Variants in KCNAB1 observed in about 807,000 individuals in gnomAD.
KCNAB1 encodes the protein potassium voltage-gated channel subfamily A regulatory beta subunit 1.
Under a neutral mutation model 64.6 loss-of-function variants are expected in KCNAB1, and 35 were observed. The observed-to-expected ratio is 0.54, with a 90% CI of 0.41 to 0.72. KCNAB1 has a LOEUF of 0.72. Ranked by LOEUF, KCNAB1 falls within the 30% of genes least tolerant of loss-of-function variation. The pLI, the probability that KCNAB1 is intolerant of heterozygous loss-of-function variation, is 0.00. For missense variants in KCNAB1, 401 were observed against 512.9 expected (o/e 0.78, Z 2.11); for synonymous variants, 177 against 183.8 (o/e 0.96, Z 0.30).
intron 5 of KCNAB1, 41 bp downstream of exon 5, chr3:156,459,912 T>C: frequency 6.9e-7 from 1 of 1,438,958 alleles, no homozygotes; most frequent in Non-Finnish European, 9.7e-7. Context: ...AAAAAGGTAT[T>C]ATTTTGCACC....
rs79343305 is a variant in KCNAB1, at chr3:156,206,014, T to C, written c.275+85128T>C. Among the ~76,000 whole-genome samples the C allele has an allele frequency of 9.2e-3, 1,397 of 152,298 alleles. 21 individuals carry two copies. The highest frequency in any genetic ancestry group is 0.032 in the African/African-American group (1,327 of 41,546). On this transcript the variant is annotated intron_variant, in intron 1 of 13. Coordinates refer to ENST00000490337, the MANE Select transcript of KCNAB1 (RefSeq NM_172160.3). ...GATCACCTTTGCCCCTTTACTACATTACTGTGCACTGTCCTATCATATTCT... is the reference window on the plus strand; with the variant it reads ...GATCACCTTTGCCCCTTTACTACATCACTGTGCACTGTCCTATCATATTCT...
rs60606856 is a variant in KCNAB1, at chr3:156,350,506, C to CAA, written c.276-71094_276-71093dup. Among the ~76,000 whole-genome samples the CAA allele has an allele frequency of 4.8e-3, 471 of 98,914 alleles. 1 individual carries two copies. Among genetic ancestry groups the CAA allele is most frequent in the Admixed American group, 0.013 (124 of 9,402 alleles). The allele number at this position is 98,914 out of a possible 152,430, so 64.9% of individuals were successfully genotyped here. A position where few individuals can be genotyped will look rare whatever the true frequency, so the allele number is the denominator to read the frequency against. On this transcript the variant is annotated intron_variant, in intron 1 of 13. Coordinates refer to ENST00000490337, the MANE Select transcript of KCNAB1 (RefSeq NM_172160.3). ...CCAGCAACAGAGTGAGACCCTGTCTCAAAAAAAAAAAAAAAAAGAGTGATT... is the reference window on the plus strand; with the variant it reads ...CCAGCAACAGAGTGAGACCCTGTCTCAAAAAAAAAAAAAAAAAAAGAGTGATT...
chr3:156,346,819 GTATT>G (rs923584534), intron 1 of KCNAB1, among the ~76,000 whole-genome samples: 5 of 152,124 alleles, frequency 3.3e-5, no homozygotes, highest in Non-Finnish European at 7.4e-5. Context: ...TATAGCCTTT[GTATT>G]TATTTATCAG....
chr3:156,163,988 T>A (rs745828102), intron 1 of KCNAB1, among the ~76,000 whole-genome samples: 3 of 152,228 alleles, frequency 2.0e-5, no homozygotes, highest in Non-Finnish European at 4.4e-5. Context: ...TGCATACTAA[T>A]GTGCAAGAGT....
intron 1 of KCNAB1, among the ~76,000 whole-genome samples, chr3:156,286,218 A>G (rs1453885157): frequency 1.3e-5 from 2 of 152,190 alleles, no homozygotes; most frequent in South Asian, 2.1e-4. Flanking sequence ...GTGGGCCCAT[A>G]CTAATTTTTA....
chr3:156,233,961 A>G (rs1716695567), intron 1 of KCNAB1, among the ~76,000 whole-genome samples: 1 of 151,880 alleles, frequency 6.6e-6, no homozygotes, highest in Non-Finnish European at 1.5e-5. Context: ...TATACACCCA[A>G]GCAGAGACAT....
rs1218102746 is a variant in KCNAB1 at position 156,538,415 on chromosome 3, T to TAACA, written c.*1669_*1672dup. ...TTTTTGATTACTAGTACCTGTATTC[T>TAACA]AACAGAGAGTTTGAATTTTTTGCCC... On this transcript the variant is annotated 3_prime_UTR_variant, in exon 14 of 14. Transcript: ENST00000490337. 1.3e-5 allele frequency: 2 copies of TAACA among 152,262 alleles called. No homozygotes were observed. The highest frequency in any genetic ancestry group is 4.8e-5 in the African/African-American group (2 of 41,468). 9.4% of individuals were successfully genotyped at this position (152,262 alleles called of 1,614,324 possible).
intron 7 of KCNAB1, among the ~76,000 whole-genome samples, chr3:156,473,353 T>G (rs1023819510): frequency 2.0e-5 from 3 of 152,164 alleles, no homozygotes; most frequent in African/African-American, 7.2e-5. Context: ...TTTCAAACCT[T>G]GTGATACCCT....
intron 1 of KCNAB1, among the ~76,000 whole-genome samples, chr3:156,310,328 A>G (rs1721805718): frequency 6.6e-6 from 1 of 152,138 alleles, no homozygotes; most frequent in Non-Finnish European, 1.5e-5. Flanking sequence ...GGTGTGGAGG[A>G]AGGGTCAGGA....
intron 1 of KCNAB1, among the ~76,000 whole-genome samples, chr3:156,354,122 A>ATATATATATATATATATATATATATGTG (rs1560212826): frequency 2.9e-5 from 2 of 69,556 alleles, no homozygotes; most frequent in African/African-American, 1.1e-4. Flanking sequence ...GTGTGTGTGT[A>ATATATATATATATATATATATATATGTG]TATATATATA....
intron 7 of KCNAB1, among the ~76,000 whole-genome samples, chr3:156,467,812 T>C (rs915901044): frequency 3.3e-5 from 5 of 152,146 alleles, no homozygotes; most frequent in African/African-American, 1.2e-4. Flanking sequence ...CAAAGAATTA[T>C]ACAAATTTTA....
intron 8 of KCNAB1, among the ~76,000 whole-genome samples, chr3:156,502,529 C>CA (rs1477817996): frequency 1.9e-4 from 22 of 118,408 alleles, no homozygotes; most frequent in African/African-American, 7.5e-4. Flanking sequence ...CCCTACCTTA[C>CA]AACCACACAC....
At chr3:156,430,089 AAAAG>A (rs1313991857) in intron 2 of KCNAB1, among the ~76,000 whole-genome samples, 5 of 152,228 alleles carry the variant, frequency 3.3e-5, no homozygotes, top group African/African-American at 9.6e-5. Context: ...ATTGCTGACA[AAAAG>A]AAAGAAAGAA....
At chr3:156,514,773 T>C (rs546014191) in intron 9 of KCNAB1, among the ~76,000 whole-genome samples, 9 of 152,386 alleles carry the variant, frequency 5.9e-5, no homozygotes, top group Middle Eastern at 6.8e-3. Context: ...ACAGATACTT[T>C]TATATGTTAG....
At chr3:156,346,904 A>C (rs947952565) in intron 1 of KCNAB1, among the ~76,000 whole-genome samples, 1 of 152,180 alleles carries the variant, frequency 6.6e-6, no homozygotes, top group African/African-American at 2.4e-5. Context: ...TGCCATTGTC[A>C]AAAAACTTAT....
intron 1 of KCNAB1, among the ~76,000 whole-genome samples, chr3:156,232,128 CT>C (rs113145033): frequency 6.6e-5 from 10 of 152,254 alleles, no homozygotes; most frequent in African/African-American, 2.4e-4. Context: ...TAAATAGCAT[CT>C]AAATAATATT....
intron 1 of KCNAB1, among the ~76,000 whole-genome samples, chr3:156,402,504 C>T (rs1392705284): frequency 1.3e-5 from 2 of 152,134 alleles, no homozygotes; most frequent in Non-Finnish European, 2.9e-5. Flanking sequence ...TACATTCCTC[C>T]AACACCTGCT....
At chr3:156,494,638 GAA>G (rs1715872210) in intron 8 of KCNAB1, among the ~76,000 whole-genome samples, 1 of 101,128 alleles carries the variant, frequency 9.9e-6, no homozygotes, top group Admixed American at 8.1e-5. Flanking sequence ...GCCAAGTAGG[GAA>G]AAGAGACTTC....
chr3:156,533,695 T>C (rs935209287), intron 13 of KCNAB1, among the ~76,000 whole-genome samples: 5 of 151,848 alleles, frequency 3.3e-5, no homozygotes, highest in Non-Finnish European at 1.5e-5. Context: ...ATGAGGGTAG[T>C]GGCCATGGAG....
Sources: gnomAD v4.1 joint callset for allele counts (sites outside exome capture counted in the v4.1 genomes callset) on GRCh38, gnomAD v4.1.1 for gene constraint, MANE v1.5 for transcripts, NCBI Gene and HGNC (gene_info 2026-07-23, HGNC 2026-07-21) for gene names.